Variants in SPOP observed in about 807,000 individuals in gnomAD.
The protein encoded by SPOP is speckle type BTB/POZ protein.
SPOP carries 11 observed loss-of-function variants against 45.6 expected under a neutral mutation model. The observed-to-expected ratio is 0.24, with a 90% CI of 0.15 to 0.40. The LOEUF is 0.40. Among genes scored for constraint, SPOP ranks in the 10% least tolerant of loss-of-function variants. The probability of loss-of-function intolerance (pLI) is 1.00; values close to 1 mark genes in which losing one functional copy is unlikely to be tolerated. For synonymous variants in SPOP, 166 were observed against 166.3 expected, an observed-to-expected ratio of 1.00 and a Z score of 0.01; for missense variants, 152 against 465.6, an observed-to-expected ratio of 0.33 and a Z score of 6.20.
intron 2 of SPOP, 163 bp downstream of exon 2, chr17:49,622,570 G>A: frequency 1.6e-6 from 1 of 632,930 alleles, no homozygotes; most frequent in Non-Finnish European, 2.7e-6. Context: ...ATTCCACATG[G>A]AAAACTAAGG....
chr17:49,607,274 A>G lies in SPOP; in HGVS notation c.813T>C (p.Asp271=). ...CCTTGTCAGCAGCTGCCAGCAAATC[A>G]TCAGCCATTTTGTCGAGGTTTGGAG... ...GKAPNLDKMA[D]DLLAAADKYA... Residue 271 remains aspartate (D), a synonymous_variant, in exon 8 of 10, where the codon GAT becomes GAC. Transcript: ENST00000504102. 1 of 1,614,136 alleles carries G rather than the reference A, an allele frequency of 6.2e-7. No homozygotes were observed. The highest frequency in any genetic ancestry group is 8.5e-7 in the Non-Finnish European group (1 of 1,179,998).
Position 49,678,058 on chromosome 17 carries a change from C to CACACACACATACACACCG in SPOP, c.-210_-193dup. On this transcript the variant is annotated 5_prime_UTR_variant, in exon 1 of 10. It adds an upstream start codon to the 5' untranslated region. Coordinates refer to ENST00000504102, the MANE Select transcript of SPOP (RefSeq NM_001007228.2). ...CACACACTCGGAGCGCGCACACTCA[C>CACACACACATACACACCG]ACACACACATACACACCGACACACA... The CACACACACATACACACCG allele has an allele frequency of 2.5e-6, 1 of 399,444 alleles. No individual in the cohort carries two copies. The allele number at this position is 399,444 out of a possible 1,614,324, so 24.7% of individuals were successfully genotyped here.
intron 1 of SPOP, among the ~76,000 whole-genome samples, chr17:49,666,448 GACACACACACACACACACACACACACAC>G (rs36210011): frequency 7.0e-6 from 1 of 142,012 alleles, no homozygotes; most frequent in Non-Finnish European, 1.5e-5. Flanking sequence ...CATGAAGACA[GACACACACACACACACACACACACACAC>G]ACACACACAC....
chr17:49,658,346 A>G (rs1233690426), intron 1 of SPOP, among the ~76,000 whole-genome samples: 1 of 152,140 alleles, frequency 6.6e-6, no homozygotes, highest in African/African-American at 2.4e-5. Flanking sequence ...TCCACAAATT[A>G]TTTCATAATC....
At chr17:49,666,146 G>A (rs1166773489) in intron 1 of SPOP, among the ~76,000 whole-genome samples, 1 of 151,974 alleles carries the variant, frequency 6.6e-6, no homozygotes, top group African/African-American at 2.4e-5. Flanking sequence ...AGAAAATACA[G>A]ATACAAACTC....
Position 49,599,506 on chromosome 17 carries a change from GTTTTT to G in SPOP, c.*867_*871del, listed in dbSNP as rs112880999. 1.0e-4 allele frequency: 19 copies of G among 183,796 alleles called. No individual in the cohort carries two copies. The highest frequency in any genetic ancestry group is 1.9e-4 in the Non-Finnish European group (18 of 93,826). 11.4% of individuals were successfully genotyped at this position (183,796 alleles called of 1,614,324 possible). On this transcript the variant is annotated 3_prime_UTR_variant, in exon 10 of 10. Transcript: ENST00000504102. ...CTTTTGTTCTGTTTTTGTTTTGTGT[GTTTTT>G]TTTTTTGTTTGTTTTTTAGAAAAAG...
At chr17:49,647,322 A>T (rs1051587975) in intron 1 of SPOP, among the ~76,000 whole-genome samples, 23 of 149,110 alleles carry the variant, frequency 1.5e-4, no homozygotes, top group African/African-American at 5.4e-4. Context: ...TTAAAAAAAA[A>T]AAAAAAAAAA....
intron 1 of SPOP, chr17:49,646,120 A>T (rs2072754388): frequency 6.6e-6 from 1 of 152,216 alleles, no homozygotes; most frequent in African/African-American, 2.4e-5. Context: ...ACTTACCTGT[A>T]CATTTTATCA....
intron 1 of SPOP, among the ~76,000 whole-genome samples, chr17:49,662,671 G>A (rs1398786349): frequency 1.3e-5 from 2 of 151,710 alleles, no homozygotes; most frequent in Non-Finnish European, 2.9e-5. Context: ...TGGGCGACAG[G>A]GGGAGACTCC....
rs139823176 is a variant in SPOP at position 49,654,600 on chromosome 17, C to T, written c.-67+23333G>A. Among the ~76,000 whole-genome samples the T allele has an allele frequency of 6.7e-3, 1,017 of 152,202 alleles. 3 individuals are homozygous for T. The highest frequency in any genetic ancestry group is 0.023 in the African/African-American group (940 of 41,522). ...AGGAGCTCCAGACCACCCTGGGCAA[C>T]ATGGCAAAACCCTGTCTCTACTAAA... is the stretch of plus-strand genomic sequence containing the variant. On this transcript the variant is annotated intron_variant, in intron 1 of 9. Coordinates refer to ENST00000504102, the MANE Select transcript of SPOP (RefSeq NM_001007228.2).
chr17:49,617,421 T>G (rs1246903210), intron 5 of SPOP, among the ~76,000 whole-genome samples: 2 of 152,216 alleles, frequency 1.3e-5, no homozygotes, highest in Non-Finnish European at 2.9e-5. Context: ...TTACACAGAA[T>G]TCACACTCCA....
intron 8 of SPOP, among the ~76,000 whole-genome samples, chr17:49,604,506 C>G (rs943773105): frequency 1.3e-5 from 2 of 152,194 alleles, no homozygotes; most frequent in African/African-American, 4.8e-5. Flanking sequence ...AGGTAGGAGA[C>G]TATCCCATGA....
At chr17:49,676,885 TGAAA>T (rs1212806345) in intron 1 of SPOP, among the ~76,000 whole-genome samples, 1 of 152,210 alleles carries the variant, frequency 6.6e-6, no homozygotes, top group Non-Finnish European at 1.5e-5. Context: ...TCTGCCAACG[TGAAA>T]GAAACATCAC....
chr17:49,618,472 A>G (rs1338175748), intron 5 of SPOP: 2 of 446,070 alleles, frequency 4.5e-6, no homozygotes, highest in Non-Finnish European at 8.9e-6. Flanking sequence ...AGCTTTACAT[A>G]GCCTTCACCC....
intron 1 of SPOP, among the ~76,000 whole-genome samples, chr17:49,640,151 G>A (rs910540251): frequency 6.6e-6 from 1 of 152,064 alleles, no homozygotes; most frequent in African/African-American, 2.4e-5. Flanking sequence ...TACTTGGAAG[G>A]CTGAGGTGGG....
chr17:49,620,260 CA>C (rs2072193437), intron 3 of SPOP, among the ~76,000 whole-genome samples: 1 of 151,922 alleles, frequency 6.6e-6, no homozygotes, highest in Admixed American at 6.6e-5. Context: ...CCAAGGCAGG[CA>C]GATCACTTAA....
At position 49,676,261 on chromosome 17, in the gene SPOP, TA is replaced by T. The variant is rs1294203347; in HGVS notation, c.-67+1671del. On this transcript the variant is annotated intron_variant, in intron 1 of 9. Transcript: ENST00000504102. The stretch of plus-strand genomic sequence containing the variant: ...CCCAAACCTAAGGGTGGGGTAGTCT[TA>T]CAATAACTTCTACCTCTAAGGAAAA... 3.3e-5 allele frequency among the ~76,000 whole-genome samples: 5 copies of T among 152,236 alleles called. No individual in the cohort carries two copies. The East Asian group carries it at 9.6e-4, about 29-fold the overall frequency.
intron 1 of SPOP, among the ~76,000 whole-genome samples, chr17:49,665,019 T>C (rs1049611838): frequency 2.6e-5 from 4 of 152,236 alleles, no homozygotes; most frequent in African/African-American, 7.2e-5. Context: ...CTGGTTTGAA[T>C]AGGTTTCATT....
intron 1 of SPOP, among the ~76,000 whole-genome samples, chr17:49,659,335 A>G (rs2072956342): frequency 6.6e-6 from 1 of 152,202 alleles, no homozygotes; most frequent in Non-Finnish European, 1.5e-5. Context: ...TCTCCTAAAC[A>G]TCAATACAAC....
Sources: gnomAD v4.1 joint callset for allele counts (sites outside exome capture counted in the v4.1 genomes callset) on GRCh38, gnomAD v4.1.1 for gene constraint, MANE v1.5 for transcripts, NCBI Gene and HGNC (gene_info 2026-07-23, HGNC 2026-07-21) for gene names.